SPEF2: variants seen among roughly 807,000 people sequenced by gnomAD.
The protein encoded by SPEF2 is sperm flagellar and cilia associated 2.
Under a neutral mutation model 224.6 loss-of-function variants are expected in SPEF2, and 187 were observed. The ratio of observed to expected loss-of-function variants is 0.83; its 90% confidence interval spans 0.74 to 0.94. The LOEUF is 0.94. SPEF2 is among the 40% of genes least tolerant of loss of function. SPEF2 has a pLI of 0.00. For synonymous variants in SPEF2, 715 were observed against 707.3 expected (o/e 1.01, Z -0.17); for missense variants, 2,170 against 2,135.6 (o/e 1.02, Z -0.32).
chr5:35,695,749 A>G lies in SPEF2; in HGVS notation c.1990A>G (p.Lys664Glu). The G allele has an allele frequency of 6.2e-7, 1 of 1,610,610 alleles. No individual in the cohort carries two copies. Among genetic ancestry groups the G allele is most frequent in the East Asian group, 2.2e-5 (1 of 44,776 alleles). The change falls in exon 14 of 37, where the codon AAA becomes GAA. Residue 664 changes from lysine (K) to glutamate (E), a missense_variant. Coordinates refer to ENST00000356031, the MANE Select transcript of SPEF2 (RefSeq NM_024867.4). ...GETMLSANAD[K>E]TPKAEEVKSS... ...CCTATTGCTAGGTGCTAATGCTGAT[A>G]AAACACCAAAAGCTGAAGAAGTCAA...
chr5:35,649,146 A>T (rs932126330), intron 5 of SPEF2, among the ~76,000 whole-genome samples: 4 of 152,148 alleles, frequency 2.6e-5, no homozygotes, highest in Non-Finnish European at 5.9e-5. Flanking sequence ...TGAATGATTC[A>T]GGGGAGGCAA....
intron 25 of SPEF2, among the ~76,000 whole-genome samples, chr5:35,763,127 G>A (rs1751559978): frequency 6.6e-6 from 1 of 152,186 alleles, no homozygotes; most frequent in South Asian, 2.1e-4. Flanking sequence ...TCACCTTAGA[G>A]AAGTGATGCC....
At chr5:35,664,264 G>A (rs1216949667) in intron 8 of SPEF2, among the ~76,000 whole-genome samples, 5 of 127,998 alleles carry the variant, frequency 3.9e-5, no homozygotes, top group Non-Finnish European at 7.9e-5. Flanking sequence ...GTTTGCTCTT[G>A]CTCATGAAAT....
At chr5:35,787,935 A>G (rs906921395) in intron 30 of SPEF2, 1 of 625,376 alleles carries the variant, frequency 1.6e-6, no homozygotes, top group East Asian at 2.7e-5. Context: ...CTTGACCATT[A>G]TCTTCCAAAA....
chr5:35,716,488 T>A (rs1742608516), intron 20 of SPEF2, among the ~76,000 whole-genome samples: 2 of 152,114 alleles, frequency 1.3e-5, no homozygotes, highest in Non-Finnish European at 2.9e-5. Flanking sequence ...TCTAAGAGCA[T>A]CCTTAATAAA....
chr5:35,654,502 A>G, intron 6 of SPEF2, 38 bp from the exon 7 acceptor site: 1 of 1,473,492 alleles, frequency 6.8e-7, no homozygotes, highest in Non-Finnish European at 9.0e-7. Flanking sequence ...GGATCACATT[A>G]TTATTTAAAA....
Position 35,739,961 on chromosome 5 carries a change from A to T in SPEF2, c.3106A>T (p.Asn1036Tyr), listed in dbSNP as rs1336228537. Residue 1036 changes from asparagine (N) to tyrosine (Y), a missense_variant, in exon 22 of 37, where the codon AAT becomes TAT. By Grantham distance (143) the Asn-to-Tyr change is moderately radical. Transcript: ENST00000356031. ...FLVPYWELIE[N>Y]SYINTIKTVL... ...AGTACCTTACTGGGAACTAATAGAA[A>T]ATTCCTATATAAACACCATCAAAAC... The T allele has an allele frequency of 6.2e-7, 1 of 1,614,102 alleles. No homozygotes were observed. Among genetic ancestry groups the T allele is most frequent in the Admixed American group, 1.7e-5 (1 of 60,016 alleles).
chr5:35,812,381 C>G (rs1758600375), intron 36 of SPEF2, among the ~76,000 whole-genome samples: 1 of 152,118 alleles, frequency 6.6e-6, no homozygotes, highest in Admixed American at 6.5e-5. Context: ...ACATTATAGG[C>G]ATTCAGCTAA....
chr5:35,776,466 A>C, intron 29 of SPEF2, 71 bp downstream of exon 29: 1 of 1,513,832 alleles, frequency 6.6e-7, no homozygotes, highest in Non-Finnish European at 8.9e-7. Context: ...GAAGATTTTT[A>C]AGGTATTTAC....
At chr5:35,775,436 G>A (rs1753476950) in intron 28 of SPEF2, among the ~76,000 whole-genome samples, 2 of 152,132 alleles carry the variant, frequency 1.3e-5, no homozygotes, top group Admixed American at 6.6e-5. Flanking sequence ...AGAGAGAGGG[G>A]TAAGAGGCAT....
chr5:35,806,396 G>A (rs1758061623), intron 34 of SPEF2, among the ~76,000 whole-genome samples: 1 of 152,176 alleles, frequency 6.6e-6, no homozygotes, highest in African/African-American at 2.4e-5. Flanking sequence ...CTATATACAT[G>A]TGTATATCTA....
rs1446645414 is a variant in SPEF2, at chr5:35,697,695, T to A, written c.2043T>A (p.Thr681=). Residue 681 remains threonine (T), a synonymous_variant, in exon 15 of 37, where the codon ACT becomes ACA. Transcript: ENST00000356031. ...TTTCTTGTTTATTTTCCCAGCTCACTACACGTGCTCAGCTTGGTGCAAAAT... is the reference window on the plus strand; with the variant it reads ...TTTCTTGTTTATTTTCCCAGCTCACAACACGTGCTCAGCTTGGTGCAAAAT... ...VKSSDSFLKL[T]TRAQLGAKSE... The A allele has an allele frequency of 6.2e-7, 1 of 1,612,570 alleles. No individual in the cohort carries two copies. Among genetic ancestry groups the A allele is most frequent in the Non-Finnish European group, 8.5e-7 (1 of 1,179,280 alleles).
chr5:35,644,985 CT>C (rs1264502830), intron 4 of SPEF2, among the ~76,000 whole-genome samples: 1 of 152,200 alleles, frequency 6.6e-6, no homozygotes, highest in African/African-American at 2.4e-5. Flanking sequence ...TCTTTGCTTG[CT>C]TACCTTTTCA....
intron 14 of SPEF2, among the ~76,000 whole-genome samples, chr5:35,697,032 T>G (rs1755437589): frequency 1.3e-5 from 2 of 152,058 alleles, no homozygotes; most frequent in Non-Finnish European, 2.9e-5. Context: ...CCTCAGGCAA[T>G]TATTAGGACA....
chr5:35,694,420 C>A, intron 13 of SPEF2, 57 bp downstream of exon 13: 1 of 1,433,868 alleles, frequency 7.0e-7, no homozygotes, highest in Non-Finnish European at 9.7e-7. Flanking sequence ...ACAATGAGAG[C>A]ACATATATGT....
chr5:35,705,561 T>C (rs1739580733), intron 17 of SPEF2, 90 bp from the exon 18 acceptor site: 1 of 922,826 alleles, frequency 1.1e-6, no homozygotes, highest in Non-Finnish European at 1.6e-6. Flanking sequence ...CAGCCTGTCT[T>C]TTCATTACGC....
intron 16 of SPEF2, chr5:35,702,270 C>T: frequency 2.2e-6 from 1 of 456,216 alleles, no homozygotes; most frequent in South Asian, 1.5e-5. Flanking sequence ...GAGAAACACA[C>T]TACATCCAAA....
intron 34 of SPEF2, 47 bp downstream of exon 34, chr5:35,800,194 G>C (rs1352640215): frequency 5.1e-6 from 8 of 1,582,244 alleles, no homozygotes; most frequent in Non-Finnish European, 6.9e-6. Context: ...TAGAGGGGAT[G>C]CCTGAAGATC....
At position 35,719,167 on chromosome 5, in the gene SPEF2, C is replaced by T. The variant is rs1011269546; in HGVS notation, c.2914+6281C>T. On this transcript the variant is annotated intron_variant, in intron 20 of 36. Coordinates refer to ENST00000356031, the MANE Select transcript of SPEF2 (RefSeq NM_024867.4). The stretch of plus-strand genomic sequence containing the variant: ...AATATCGATCCAGATTTTTACATTA[C>T]TCATCCCTTTTGTTCTTTTTGACCT... 2.0e-5 allele frequency among the ~76,000 whole-genome samples: 3 copies of T among 152,206 alleles called. No individual in the cohort carries two copies. The East Asian group carries it at 5.8e-4, about 29-fold the overall frequency.
Sources: allele counts gnomAD v4.1 joint callset (sites outside exome capture counted in the v4.1 genomes callset), GRCh38; gene constraint gnomAD v4.1.1; transcripts MANE v1.5; gene names NCBI Gene and HGNC (gene_info 2026-07-23, HGNC 2026-07-21).